ZSCAN25: variants seen among roughly 807,000 people sequenced by gnomAD.
The protein encoded by ZSCAN25 is zinc finger and SCAN domain-containing protein 25.
ZSCAN25 carries 27 observed loss-of-function variants against 38.7 expected under a neutral mutation model. The observed-to-expected ratio is 0.70, with a 90% CI of 0.51 to 0.96. The LOEUF (loss-of-function observed/expected upper bound fraction) is 0.96, where lower values mean the gene tolerates loss of function less well. Ranked by LOEUF, ZSCAN25 falls within the 40% of genes least tolerant of loss-of-function variation. The probability of loss-of-function intolerance (pLI) is 0.00; values close to 1 mark genes in which losing one functional copy is unlikely to be tolerated. For synonymous variants in ZSCAN25, 273 were observed against 277.7 expected, an observed-to-expected ratio of 0.98 and a Z score of 0.17; for missense variants, 637 against 705.9, an observed-to-expected ratio of 0.90 and a Z score of 1.11.
chr7:99,711,883 C>T, the ZSCAN25 span, among the ~76,000 whole-genome samples: 1 of 152,216 alleles, frequency 6.6e-6, no homozygotes, highest in Non-Finnish European at 1.5e-5. Flanking sequence ...AATTTGTGTG[C>T]ATAGCCCAGG....
At chr7:99,705,003 G>T in the ZSCAN25 span, 1 of 158,210 alleles carries the variant, frequency 6.3e-6, no homozygotes, top group East Asian at 1.8e-4. Context: ...CAGTTCTATA[G>T]ATTTCTCCTT....
chr7:99,635,809 A>G (rs1162806018), downstream of ZSCAN25, among the ~76,000 whole-genome samples: 2 of 152,170 alleles, frequency 1.3e-5, no homozygotes, highest in East Asian at 3.8e-4. Context: ...GCACTTTGGG[A>G]GGCTGAGGCG....
downstream of ZSCAN25, among the ~76,000 whole-genome samples, chr7:99,633,892 G>A (rs1311606772): frequency 1.3e-5 from 2 of 152,140 alleles, no homozygotes; most frequent in Non-Finnish European, 2.9e-5. Context: ...TTGCTTTCTG[G>A]CATGACAAGA....
Position 99,630,781 on chromosome 7 carries a change from A to G in ZSCAN25, c.*761A>G. On this transcript the variant is annotated 3_prime_UTR_variant, in exon 8 of 8. Coordinates refer to ENST00000394152, the MANE Select transcript of ZSCAN25 (RefSeq NM_145115.3). ...GTCCATTATTCCTTGCACTATAACA[A>G]CTGTCAACACACCAACTATTAGGAA... 8.1e-6 allele frequency: 8 copies of G among 985,400 alleles called. No homozygotes were observed. The highest frequency in any genetic ancestry group is 9.6e-6 in the Non-Finnish European group (8 of 829,934). The allele number at this position is 985,400 out of a possible 1,614,324, so 61.0% of individuals were successfully genotyped here. A position where few individuals can be genotyped will look rare whatever the true frequency, so the allele number is the denominator to read the frequency against.
chr7:99,720,331 A>C, the ZSCAN25 span: 1 of 1,613,342 alleles, frequency 6.2e-7, no homozygotes, highest in Non-Finnish European at 8.5e-7. Context: ...TTGTGAAGAC[A>C]GAATAACATT....
the ZSCAN25 span, among the ~76,000 whole-genome samples, chr7:99,698,651 G>A: frequency 5.3e-5 from 8 of 152,020 alleles, no homozygotes; most frequent in South Asian, 2.1e-4. Flanking sequence ...TTGTCTTAGC[G>A]ATATACATTC....
At chr7:99,672,123 C>T in the ZSCAN25 span, among the ~76,000 whole-genome samples, 2 of 152,080 alleles carry the variant, frequency 1.3e-5, no homozygotes, top group Admixed American at 1.3e-4. Flanking sequence ...GTGATCTCGG[C>T]TCACTGCAAC....
the ZSCAN25 span, chr7:99,647,757 T>G: frequency 1.0e-6 from 1 of 985,444 alleles, no homozygotes; most frequent in Non-Finnish European, 1.2e-6. Flanking sequence ...ACACCAACAG[T>G]GATTACAATG....
the ZSCAN25 span, chr7:99,638,485 G>T: frequency 4.7e-6 from 7 of 1,503,018 alleles, no homozygotes; most frequent in South Asian, 4.5e-5. Flanking sequence ...TCATCGGTGC[G>T]GTGGCAGTCG....
At chr7:99,717,087 A>G in the ZSCAN25 span, 688 of 1,562,290 alleles carry the variant, frequency 4.4e-4, 3 homozygotes, top group Non-Finnish European at 1.9e-4. Context: ...TGGTCACTGG[A>G]ATAACCCAAC....
chr7:99,619,566 T>C lies in ZSCAN25; in HGVS notation c.-41T>C, dbSNP rs1806755007. On this transcript the variant is annotated 5_prime_UTR_variant, in exon 4 of 8. Coordinates refer to ENST00000394152, the MANE Select transcript of ZSCAN25 (RefSeq NM_145115.3). ...GTGTCTCTTGTTCTCAAAAGGGTCA[T>C]TGATGCAGTCATTCTCAGTCTCCTC... The C allele has an allele frequency of 6.4e-7, 1 of 1,567,738 alleles. No homozygotes were observed. Among genetic ancestry groups the C allele is most frequent in the African/African-American group, 1.4e-5 (1 of 73,514 alleles).
chr7:99,644,201 C>G, the ZSCAN25 span, among the ~76,000 whole-genome samples: 1 of 152,078 alleles, frequency 6.6e-6, no homozygotes, highest in Non-Finnish European at 1.5e-5. Context: ...GTGATAGATT[C>G]TTCTGTGGAT....
At chr7:99,735,248 G>A in the ZSCAN25 span, 50 of 1,055,232 alleles carry the variant, frequency 4.7e-5, no homozygotes, top group Non-Finnish European at 4.2e-6. Flanking sequence ...AGGCAGGGCT[G>A]GAGCTGCAGC....
chr7:99,636,968 G>C (rs1808308864), downstream of ZSCAN25, among the ~76,000 whole-genome samples: 2 of 152,196 alleles, frequency 1.3e-5, no homozygotes, highest in South Asian at 4.1e-4. Flanking sequence ...CTTCCTTAAA[G>C]GAGACAGTGT....
At chr7:99,675,653 C>T in the ZSCAN25 span, among the ~76,000 whole-genome samples, 74 of 722 alleles carry the variant, frequency 0.1, 8 homozygotes, top group Non-Finnish European at 0.1. Context: ...TCCCCCCTCC[C>T]CTCCCCTCCC....
chr7:99,621,861 GC>G (rs1194770614), intron 5 of ZSCAN25: 1 of 291,248 alleles, frequency 3.4e-6, no homozygotes, highest in African/African-American at 2.2e-5. Context: ...CAGCTGACTT[GC>G]AGGAATACTT....
At chr7:99,674,637 C>T in the ZSCAN25 span, 2 of 1,502,272 alleles carry the variant, frequency 1.3e-6, no homozygotes, top group Non-Finnish European at 9.2e-7. Flanking sequence ...TAGAATAAAC[C>T]CTACCTCTAA....
chr7:99,650,252 T>C, the ZSCAN25 span: 2 of 1,607,736 alleles, frequency 1.2e-6, no homozygotes, highest in Non-Finnish European at 1.7e-6. Flanking sequence ...TATTGGTAGA[T>C]TAAATAGTTA....
In ZSCAN25 at chr7:99,621,363, C is replaced by A; in HGVS notation, c.388-10C>A. On this transcript the variant is annotated splice_polypyrimidine_tract_variant and intron_variant, in intron 4 of 7. Coordinates refer to ENST00000394152, the MANE Select transcript of ZSCAN25 (RefSeq NM_145115.3). Reference sequence around the variant, plus strand: ...GCCTCATTCTAATCGGTGTTGGGAACTGTTCTTAGGTTCCATGCCACAGGC... The same window carrying A: ...GCCTCATTCTAATCGGTGTTGGGAAATGTTCTTAGGTTCCATGCCACAGGC... 1 of 1,372,154 alleles carries A rather than the reference C, an allele frequency of 7.3e-7. No individual in the cohort carries two copies. The highest frequency in any genetic ancestry group is 2.0e-5 in the South Asian group (1 of 49,114). 85.0% of individuals were successfully genotyped at this position (1,372,154 alleles called of 1,614,324 possible).
Sources: gnomAD v4.1 joint callset for allele counts (sites outside exome capture counted in the v4.1 genomes callset) on GRCh38, gnomAD v4.1.1 for gene constraint, MANE v1.5 for transcripts, NCBI Gene and HGNC (gene_info 2026-07-23, HGNC 2026-07-21) for gene names.